MARK4: variants seen among roughly 807,000 people sequenced by gnomAD.
MARK4 encodes the protein MAP/microtubule affinity-regulating kinase 4.
A neutral mutation model predicts 81.5 loss-of-function variants in MARK4; 19 were observed. That is an observed-to-expected ratio of 0.23 (90% CI 0.16 to 0.34). MARK4 has a LOEUF of 0.34. Among genes scored for constraint, MARK4 ranks in the 10% least tolerant of loss-of-function variants. MARK4 has a pLI of 1.00. For missense variants in MARK4, 772 were observed against 1,058.8 expected (o/e 0.73, Z 3.76); for synonymous variants, 436 against 439.0 (o/e 0.99, Z 0.08).
At chr19:45,266,036 G>C in intron 6 of MARK4, among the ~76,000 whole-genome samples, 189 bp from the exon 7 acceptor site, 1 of 152,034 alleles carries the variant, frequency 6.6e-6, no homozygotes, top group African/African-American at 2.4e-5. Context: ...GGGGTGTCCT[G>C]GGGGAGACGT....
At position 45,280,587 on chromosome 19, in the gene MARK4, CGG is replaced by C; in HGVS notation, c.1132_1133del (p.Gly378ArgfsTer45). Reference protein sequence around the residue: ...LGRKTEEGGDRGAPGLALARV... With the variant: ...LGRKTEEGGDXGAPGLALARV... ...CATCCTCTCGCAGGAGGGTGGGGAC[CGG>C]GGCGCCCCAGGGCTGGCCCTGGCAC... On this transcript the variant is annotated frameshift_variant, in exon 12 of 17. Coordinates refer to ENST00000262891, the MANE Select transcript of MARK4 (RefSeq NM_001199867.2). LOFTEE classifies it high-confidence loss of function. 6.3e-7 allele frequency: 1 copy of C among 1,594,298 alleles called. No individual in the cohort carries two copies. Among genetic ancestry groups the C allele is most frequent in the Non-Finnish European group, 8.6e-7 (1 of 1,169,146 alleles).
chr19:45,278,661 T>C lies in MARK4; in HGVS notation c.1006+46T>C, dbSNP rs376944152. ...TCCTGTCACCCAGGATGGAGTGCAG[T>C]GGTGCAATCTCGGCTCACTGCAACC... On this transcript the variant is annotated intron_variant, in intron 10 of 16. Coordinates refer to ENST00000262891, the MANE Select transcript of MARK4 (RefSeq NM_001199867.2). 5.6e-6 allele frequency: 8 copies of C among 1,428,494 alleles called. No individual in the cohort carries two copies. The African/African-American group carries it at 1.1e-4, about 20-fold the overall frequency. The allele number at this position is 1,428,494 out of a possible 1,614,324, so 88.5% of individuals were successfully genotyped here.
chr19:45,289,043 C>T (rs534989270), intron 13 of MARK4, among the ~76,000 whole-genome samples: 2 of 152,116 alleles, frequency 1.3e-5, no homozygotes, highest in African/African-American at 4.8e-5. Context: ...CAGCCTTGAC[C>T]AGGGTGCACA....
rs1045967029 is a variant in MARK4, at chr19:45,294,628, CTTAA to C, written c.1598+184_1598+187del. On this transcript the variant is annotated intron_variant, in intron 14 of 16. Coordinates refer to ENST00000262891, the MANE Select transcript of MARK4 (RefSeq NM_001199867.2). ...TGTACCCCCCTGAAAATCCTCCCCA[CTTAA>C]TTAATTAGTCTTAAGCACCAGGAAA... Among the ~76,000 whole-genome samples the C allele has an allele frequency of 2.3e-4, 35 of 152,296 alleles. 2 individuals carry two copies. In the South Asian group the frequency reaches 3.7e-3, roughly 16 times the overall value.
chr19:45,287,704 C>T lies in MARK4; in HGVS notation c.1494+40C>T, dbSNP rs372460725. ...CTGGGGGGCAGGGCTGGGGGCGCCA[C>T]CTGGGCCACATTCCTCAGGCCCTGC... On this transcript the variant is annotated intron_variant, in intron 13 of 16. Transcript: ENST00000262891. 8.2e-5 allele frequency: 130 copies of T among 1,581,220 alleles called. No homozygotes were observed. In the African/African-American group the frequency reaches 1.5e-3, roughly 19 times the overall value.
intron 1 of MARK4, among the ~76,000 whole-genome samples, chr19:45,256,018 G>C (rs1412477745): frequency 6.6e-6 from 1 of 152,276 alleles, no homozygotes; most frequent in African/African-American, 2.4e-5. Flanking sequence ...GAGAAGCCAT[G>C]GTGTGGGAGA....
At chr19:45,265,488 G>A (rs1970439717) in intron 6 of MARK4, among the ~76,000 whole-genome samples, 1 of 151,874 alleles carries the variant, frequency 6.6e-6, no homozygotes, top group African/African-American at 2.4e-5. Flanking sequence ...ACCCAGGTGT[G>A]TAAGAGTGTG....
Position 45,280,501 on chromosome 19 carries a change from G to T in MARK4, c.1116+18G>T. 6.2e-7 allele frequency: 1 copy of T among 1,614,096 alleles called. No homozygotes were observed. The highest frequency in any genetic ancestry group is 8.5e-7 in the Non-Finnish European group (1 of 1,179,972). On this transcript the variant is annotated intron_variant, in intron 11 of 16. Coordinates refer to ENST00000262891, the MANE Select transcript of MARK4 (RefSeq NM_001199867.2). ...AGACTGAGGTCAGGGGGCGCCAGGG[G>T]CCCTTGGGGACGCGTGATGCCTGGG...
intron 14 of MARK4, 75 bp from the exon 15 acceptor site, chr19:45,297,601 A>G: frequency 2.3e-6 from 2 of 874,368 alleles, no homozygotes; most frequent in South Asian, 1.7e-5. Context: ...CAGGACAGGA[A>G]TGTGAAGAAT....
intron 1 of MARK4, among the ~76,000 whole-genome samples, chr19:45,258,711 A>AG (rs1272411715): frequency 1.3e-5 from 2 of 152,036 alleles, no homozygotes; most frequent in Non-Finnish European, 2.9e-5. Context: ...AGGAAAAAAA[A>AG]AAAGACAAGG....
chr19:45,256,353 G>C (rs55750796), intron 1 of MARK4, among the ~76,000 whole-genome samples: 33,347 of 152,122 alleles, frequency 0.22, 4,061 homozygotes, highest in Non-Finnish European at 0.29. Flanking sequence ...CAGGAGAATC[G>C]CTTGAACCCA....
At chr19:45,282,427 C>T (rs886916608) in intron 12 of MARK4, among the ~76,000 whole-genome samples, 34 of 151,842 alleles carry the variant, frequency 2.2e-4, no homozygotes, top group Admixed American at 2.1e-3. Context: ...CATGGTGGCT[C>T]ACGCCTGTAA....
At chr19:45,281,246 G>C (rs1472858111) in intron 12 of MARK4, among the ~76,000 whole-genome samples, 1 of 151,804 alleles carries the variant, frequency 6.6e-6, no homozygotes, top group Non-Finnish European at 1.5e-5. Flanking sequence ...TAGAGATGGG[G>C]TTTCACCATG....
In MARK4 at chr19:45,269,269, C is replaced by T. The variant is rs189577695; in HGVS notation, c.550-2203C>T. Among the ~76,000 whole-genome samples, 558 of 152,132 alleles carry T rather than the reference C, an allele frequency of 3.7e-3. 4 individuals are homozygous for T. The highest frequency in any genetic ancestry group is 0.012 in the African/African-American group (506 of 41,514). The stretch of plus-strand genomic sequence containing the variant: ...TTGTGGGCGCCTGTAGTCCCAGGTA[C>T]TCGGGAGGCTGAGGCTGGAGAATCG... On this transcript the variant is annotated intron_variant, in intron 7 of 16. Transcript: ENST00000262891.
Position 45,304,380 on chromosome 19 carries a change from T to G in MARK4, c.*1670T>G, listed in dbSNP as rs1971020880. The G allele has an allele frequency of 6.6e-6, 1 of 152,254 alleles. No homozygotes were observed. Among genetic ancestry groups the G allele is most frequent in the Admixed American group, 6.5e-5 (1 of 15,270 alleles). The allele number at this position is 152,254 out of a possible 1,614,324, so 9.4% of individuals were successfully genotyped here. A position where few individuals can be genotyped will look rare whatever the true frequency, so the allele number is the denominator to read the frequency against. On this transcript the variant is annotated 3_prime_UTR_variant, in exon 17 of 17. Coordinates refer to ENST00000262891, the MANE Select transcript of MARK4 (RefSeq NM_001199867.2). ...TGGCCAGACTCAGAGCTGCACTTAG[T>G]AGGGGTTCCTCAAAGGAAGGTCAAG...
In MARK4 at chr19:45,302,501, G is replaced by T. The variant is rs760675146; in HGVS notation, c.2050G>T (p.Ala684Ser). 13 of 1,603,868 alleles carry T rather than the reference G, an allele frequency of 8.1e-6. No homozygotes were observed. The East Asian group carries it at 2.5e-4, about 30-fold the overall frequency. The change falls in exon 17 of 17, where the codon GCC becomes TCC. Residue 684 changes from alanine to serine, a missense_variant. This residue lies in a region of MARK4 where 548 missense variants were observed against 624.3 expected (regional missense o/e 0.88). Coordinates refer to ENST00000262891, the MANE Select transcript of MARK4 (RefSeq NM_001199867.2). This position sits in a 1 kb window ranked among gnomAD's most constrained non-coding sequence, Gnocchi z 4.9. ...MAALRQATAAARCRCRQPQPF... is the reference protein window; with the variant it reads ...MAALRQATAASRCRCRQPQPF... ...AGCTCTGCGCCAGGCCACAGCAGCC[G>T]CCCGCTGCCGCTGCCGCCAGCCACA...
In MARK4 at chr19:45,294,449, A is replaced by G; in HGVS notation, c.1595A>G (p.Asn532Ser). Residue 532 changes from asparagine to serine, a missense_variant, in exon 14 of 17, where the codon AAC (asparagine) becomes AGC (serine). Physicochemically the swap from Asn to Ser is conservative, Grantham distance 46 (BLOSUM62 1). This residue lies in a region of MARK4 where 548 missense variants were observed against 624.3 expected (regional missense o/e 0.88). Coordinates refer to ENST00000262891, the MANE Select transcript of MARK4 (RefSeq NM_001199867.2). ...RPSLLPNGKENSSGTPRVPPA... is the reference protein window; with the variant it reads ...RPSLLPNGKESSSGTPRVPPA... ...TCACTGTTGCCAAATGGGAAAGAAA[A>G]CAGGTACGGAGGGGGCAGCAACAGG... is the stretch of plus-strand genomic sequence containing the variant. The G allele has an allele frequency of 6.2e-7, 1 of 1,613,592 alleles. No homozygotes were observed. The highest frequency in any genetic ancestry group is 8.5e-7 in the Non-Finnish European group (1 of 1,179,716).
chr19:45,292,315 G>A (rs563365249), intron 13 of MARK4, among the ~76,000 whole-genome samples: 17 of 152,040 alleles, frequency 1.1e-4, no homozygotes, highest in Non-Finnish European at 2.1e-4. Context: ...GAAAGTGGCC[G>A]GGACTCTGAA....
At position 45,298,730 on chromosome 19, in the gene MARK4, A is replaced by G. The variant is rs577253106; in HGVS notation, c.1877+776A>G. On this transcript the variant is annotated intron_variant, in intron 15 of 16. Coordinates refer to ENST00000262891, the MANE Select transcript of MARK4 (RefSeq NM_001199867.2). ...CTAGACAAAAAACAAAGAAATAAGT[A>G]AAATATACTTACTATATAGACTGCT... Among the ~76,000 whole-genome samples the G allele has an allele frequency of 6.2e-4, 94 of 152,180 alleles. 1 individual carries two copies. Among genetic ancestry groups the G allele is most frequent in the Non-Finnish European group, 1.5e-4 (10 of 68,024 alleles).
Sources: allele counts gnomAD v4.1 joint callset (sites outside exome capture counted in the v4.1 genomes callset), GRCh38; gene constraint gnomAD v4.1.1; regional missense constraint gnomAD v4.1.1; non-coding constraint Gnocchi (gnomAD v3.1); transcripts MANE v1.5; gene names NCBI Gene and HGNC (gene_info 2026-07-23, HGNC 2026-07-21).